The following USP32 variants were observed in gnomAD, a reference collection of about 807,000 sequenced individuals.
The protein encoded by USP32 is ubiquitin carboxyl-terminal hydrolase 32.
Under a neutral mutation model 204.8 loss-of-function variants are expected in USP32, and 59 were observed. The observed-to-expected ratio is 0.29, with a 90% CI of 0.23 to 0.36. The LOEUF is 0.36. Ranked by LOEUF, USP32 falls within the 10% of genes least tolerant of loss-of-function variation. USP32 has a pLI of 1.00. For missense variants in USP32, 1,160 were observed against 1,946.4 expected, an observed-to-expected ratio of 0.60 and a Z score of 7.60; for synonymous variants, 517 against 678.4, an observed-to-expected ratio of 0.76 and a Z score of 3.70.
At chr17:60,316,827 C>T (rs746566118) in intron 2 of USP32, among the ~76,000 whole-genome samples, 3 of 151,524 alleles carry the variant, frequency 2.0e-5, no homozygotes. Flanking sequence ...GGCAAAAGAG[C>T]GAGACTTTGA....
At chr17:60,343,232 A>G (rs191845487) in intron 2 of USP32, among the ~76,000 whole-genome samples, 2 of 152,322 alleles carry the variant, frequency 1.3e-5, no homozygotes, top group Admixed American at 6.5e-5. Context: ...TGACAATATT[A>G]GACAGATCAA....
chr17:60,251,447 A>T (rs2086165270), intron 11 of USP32, among the ~76,000 whole-genome samples: 2 of 152,190 alleles, frequency 1.3e-5, no homozygotes, highest in African/African-American at 4.8e-5. Flanking sequence ...GTAAACTCCC[A>T]TCTATCCAGA....
intron 3 of USP32, among the ~76,000 whole-genome samples, chr17:60,298,320 C>A (rs2087490844): frequency 1.3e-5 from 2 of 152,140 alleles, no homozygotes; most frequent in African/African-American, 4.8e-5. Flanking sequence ...CTGCTGGAGG[C>A]TATGTTTCTC....
chr17:60,275,575 C>T (rs75961809), intron 5 of USP32, among the ~76,000 whole-genome samples: 21 of 152,116 alleles, frequency 1.4e-4, no homozygotes, highest in African/African-American at 5.1e-4. Context: ...ACAATTAGTA[C>T]CAGACATGAC....
intron 1 of USP32, among the ~76,000 whole-genome samples, chr17:60,362,846 A>T (rs1394048912): frequency 6.6e-6 from 1 of 152,044 alleles, no homozygotes; most frequent in Non-Finnish European, 1.5e-5. Context: ...AGAGGAAAAA[A>T]AAAAACAAAA....
In USP32 at chr17:60,297,041, C is replaced by G. The variant is rs73318859; in HGVS notation, c.293-2240G>C. On this transcript the variant is annotated intron_variant, in intron 3 of 33. Coordinates refer to ENST00000300896, the MANE Select transcript of USP32 (RefSeq NM_032582.4). Reference sequence around the variant, plus strand: ...GACAGACTCTTTGTGGCAGAAAAATCCCAAATTGTAAACAAAACCTAAGCT... The same window carrying G: ...GACAGACTCTTTGTGGCAGAAAAATGCCAAATTGTAAACAAAACCTAAGCT... Among the ~76,000 whole-genome samples, 433 of 152,190 alleles carry G rather than the reference C, an allele frequency of 2.8e-3. 3 individuals carry two copies. Among genetic ancestry groups the G allele is most frequent in the African/African-American group, 8.9e-3 (370 of 41,506 alleles).
At chr17:60,393,787 C>T (rs1029410377), upstream of USP32, among the ~76,000 whole-genome samples, 1 of 151,870 alleles carries the variant, frequency 6.6e-6, no homozygotes, top group South Asian at 2.1e-4. Flanking sequence ...CTGGTTCAAG[C>T]GACTCTCCTG....
chr17:60,414,010 T>C (rs779202183), intron 1 of USP32, among the ~76,000 whole-genome samples: 2 of 151,846 alleles, frequency 1.3e-5, no homozygotes, highest in Non-Finnish European at 2.9e-5. Flanking sequence ...CTGAGGTCCA[T>C]GTGCTAGCAG....
chr17:60,216,603 G>A (rs1295749625), intron 16 of USP32, among the ~76,000 whole-genome samples: 3 of 152,266 alleles, frequency 2.0e-5, no homozygotes, highest in South Asian at 2.1e-4. Context: ...AGGCTAAAAA[G>A]TCACCTAAAA....
At chr17:60,317,027 G>A (rs938092707) in intron 2 of USP32, among the ~76,000 whole-genome samples, 2 of 152,128 alleles carry the variant, frequency 1.3e-5, no homozygotes, top group Non-Finnish European at 2.9e-5. Context: ...GGTTATCAGG[G>A]GCTGGGGAGG....
chr17:60,235,101 G>A (rs2085686666), intron 12 of USP32, among the ~76,000 whole-genome samples: 1 of 152,166 alleles, frequency 6.6e-6, no homozygotes, highest in Non-Finnish European at 1.5e-5. Flanking sequence ...CTAAGAGTAA[G>A]ATCTCTATTG....
chr17:60,389,812 C>G (rs1258632141), intron 1 of USP32, among the ~76,000 whole-genome samples: 2 of 148,442 alleles, frequency 1.3e-5, no homozygotes, highest in Admixed American at 6.6e-5. Context: ...GTCAGGAGAT[C>G]CAGACCATCC....
intron 26 of USP32, among the ~76,000 whole-genome samples, chr17:60,202,196 T>C (rs1210120764): frequency 6.6e-6 from 1 of 152,190 alleles, no homozygotes; most frequent in Admixed American, 6.5e-5. Flanking sequence ...AATGTTATCT[T>C]TGTTATAAAT....
In USP32 at chr17:60,276,075, T is replaced by C. The variant is rs191489723; in HGVS notation, c.572-4594A>G. On this transcript the variant is annotated intron_variant, in intron 5 of 33. Coordinates refer to ENST00000300896, the MANE Select transcript of USP32 (RefSeq NM_032582.4). ...AAGGTCCAATTACTTTGGAATGGGA[T>C]CTAATTTTTAAAATATATAACGGCT... is the stretch of plus-strand genomic sequence containing the variant. Among the ~76,000 whole-genome samples the C allele has an allele frequency of 6.6e-5, 10 of 152,226 alleles. No individual in the cohort carries two copies. In the East Asian group the frequency reaches 1.9e-3, roughly 29 times the overall value.
In USP32 at chr17:60,409,123, G is replaced by A. The variant is rs114080174; in HGVS notation, c.106+13123C>T. On this transcript the variant is annotated intron_variant, in intron 1 of 3. Coordinates refer to the USP32 transcript ENST00000588898. ...AGCACTTTGGGAGGCCGAGGTGCAC[G>A]GATCACCTGAGGCCAGGACTTCAAG... Among the ~76,000 whole-genome samples the A allele has an allele frequency of 9.5e-3, 1,443 of 152,222 alleles. 31 individuals carry two copies. Among genetic ancestry groups the A allele is most frequent in the African/African-American group, 0.033 (1,386 of 41,524 alleles).
intron 25 of USP32, 50 bp from the exon 26 acceptor site, chr17:60,205,708 C>T (rs748047163): frequency 6.3e-7 from 1 of 1,586,186 alleles, no homozygotes; most frequent in Admixed American, 1.7e-5. Flanking sequence ...GTATTTTCAT[C>T]TTTGCTCTTT....
rs1288494407 is a variant in USP32, at chr17:60,290,315, A to G, written c.412-1633T>C. Among the ~76,000 whole-genome samples, 3 of 152,336 alleles carry G rather than the reference A, an allele frequency of 2.0e-5. No homozygotes were observed. The East Asian group carries it at 5.8e-4, about 29-fold the overall frequency. On this transcript the variant is annotated intron_variant, in intron 4 of 33. Coordinates refer to ENST00000300896, the MANE Select transcript of USP32 (RefSeq NM_032582.4). ...AACCTTCTCTTTGTTCTTTGGACATATTGAAGATCACCCAGTCTTCATGTA... is the reference window on the plus strand; with the variant it reads ...AACCTTCTCTTTGTTCTTTGGACATGTTGAAGATCACCCAGTCTTCATGTA...
intron 1 of USP32, among the ~76,000 whole-genome samples, chr17:60,417,353 C>T (rs1445104981): frequency 6.6e-6 from 1 of 152,046 alleles, no homozygotes; most frequent in African/African-American, 2.4e-5. Flanking sequence ...TCTATGTTGC[C>T]CATGCTGGTC....
chr17:60,370,889 A>G (rs775345410), intron 1 of USP32, among the ~76,000 whole-genome samples: 31 of 151,900 alleles, frequency 2.0e-4, no homozygotes, highest in Non-Finnish European at 4.3e-4. Context: ...TGAGGCCAGG[A>G]GTTTGGGACC....
Sources: gnomAD v4.1 joint callset for allele counts (sites outside exome capture counted in the v4.1 genomes callset) on GRCh38, gnomAD v4.1.1 for gene constraint, MANE v1.5 for transcripts, NCBI Gene and HGNC (gene_info 2026-07-23, HGNC 2026-07-21) for gene names.